PCDHGA3: variants seen among roughly 807,000 people sequenced by gnomAD.
PCDHGA3 encodes protocadherin gamma-A3.
Under a neutral mutation model 58.5 loss-of-function variants are expected in PCDHGA3, and 40 were observed. That is an observed-to-expected ratio of 0.68 (90% CI 0.53 to 0.89). PCDHGA3 has a LOEUF of 0.89. Ranked by LOEUF, PCDHGA3 falls within the 40% of genes least tolerant of loss-of-function variation. The pLI is 0.00. For missense variants in PCDHGA3, 1,223 were observed against 1,195.9 expected, an observed-to-expected ratio of 1.02 and a Z score of -0.33; for synonymous variants, 530 against 525.7, an observed-to-expected ratio of 1.01 and a Z score of -0.11.
In PCDHGA3 at chr5:141,431,430, G is replaced by A; in HGVS notation, c.2425-63377G>A. ...GACGGGGGCGACCCGGTGCGCACAG[G>A]CACCGCGCGCATCCGCGTGATGGTT... is the stretch of plus-strand genomic sequence containing the variant. On this transcript the variant is annotated intron_variant, in intron 1 of 3. Coordinates refer to ENST00000253812, the MANE Select transcript of PCDHGA3 (RefSeq NM_018916.4). The surrounding 1 kb of genome is among the most constrained non-coding windows in gnomAD (Gnocchi z 4.8). 1 of 1,613,680 alleles carries A rather than the reference G, an allele frequency of 6.2e-7. No individual in the cohort carries two copies. The highest frequency in any genetic ancestry group is 8.5e-7 in the Non-Finnish European group (1 of 1,180,018).
At chr5:141,472,000 C>T (rs935165645) in intron 1 of PCDHGA3, among the ~76,000 whole-genome samples, 3 of 151,852 alleles carry the variant, frequency 2.0e-5, no homozygotes, top group African/African-American at 4.8e-5. Flanking sequence ...ATCCCTGCAT[C>T]GTATAGGGGC....
intron 1 of PCDHGA3, chr5:141,428,221 G>T (rs1314522513): frequency 1.0e-5 from 12 of 1,177,166 alleles, no homozygotes; most frequent in East Asian, 4.9e-5. Context: ...CCTAGTCTTC[G>T]CAGACAGCCT....
In PCDHGA3 at chr5:141,432,413, G is replaced by A; in HGVS notation, c.2425-62394G>A. 1.2e-6 allele frequency: 2 copies of A among 1,614,232 alleles called. No homozygotes were observed. The highest frequency in any genetic ancestry group is 2.2e-5 in the South Asian group (2 of 91,082). Reference sequence around the variant, plus strand: ...CAGCAACGTGTCGTTGAGCCTGTTCGTGCTGGACCAGAACGACAATGCGCC... The same window carrying A: ...CAGCAACGTGTCGTTGAGCCTGTTCATGCTGGACCAGAACGACAATGCGCC... On this transcript the variant is annotated intron_variant, in intron 1 of 3. Coordinates refer to ENST00000253812, the MANE Select transcript of PCDHGA3 (RefSeq NM_018916.4). The surrounding 1 kb of genome is among the most constrained non-coding windows in gnomAD (Gnocchi z 6.0).
chr5:141,361,613 C>A (rs1161415348), intron 1 of PCDHGA3: 3 of 1,613,842 alleles, frequency 1.9e-6, no homozygotes, highest in Non-Finnish European at 2.5e-6. Context: ...TCCATCGTAG[C>A]GAGCGACCTG....
rs1554116833 is a variant in PCDHGA3, at chr5:141,423,756, G to GGT, written c.2425-71050_2425-71049insTG. 2.2e-4 allele frequency: 100 copies of GGT among 448,536 alleles called. 2 individuals carry two copies. The highest frequency in any genetic ancestry group is 2.1e-3 in the African/African-American group (74 of 35,668). The allele number at this position is 448,536 out of a possible 1,614,324, so 27.8% of individuals were successfully genotyped here. On this transcript the variant is annotated intron_variant, in intron 1 of 3. Coordinates refer to ENST00000253812, the MANE Select transcript of PCDHGA3 (RefSeq NM_018916.4). ...GCCTGTTATGAAAACTGTTTGGGGG[G>GGT]GGGGTGGGGCGGCATATATTTAGTT...
chr5:141,376,485 A>G (rs1772740075), intron 1 of PCDHGA3: 1 of 1,614,056 alleles, frequency 6.2e-7, no homozygotes, highest in Non-Finnish European at 8.5e-7. Context: ...CTTGAAACGA[A>G]AGGAGAACCC....
intron 1 of PCDHGA3, chr5:141,408,074 C>T: frequency 7.2e-7 from 1 of 1,395,302 alleles, no homozygotes; most frequent in Non-Finnish European, 9.5e-7. Context: ...CAGACCTTTC[C>T]CAGCACAGCG....
intron 1 of PCDHGA3, chr5:141,351,700 C>G: frequency 6.2e-7 from 1 of 1,613,956 alleles, no homozygotes; most frequent in Admixed American, 1.7e-5. Context: ...TGGGACCCAA[C>G]GGCAGAGTCT....
chr5:141,363,428 A>G (rs1396844187), intron 1 of PCDHGA3, among the ~76,000 whole-genome samples: 2 of 152,214 alleles, frequency 1.3e-5, no homozygotes, highest in African/African-American at 4.8e-5. Context: ...CTGTCTCAAC[A>G]TAGAAAGGTC....
chr5:141,451,326 G>T (rs189445228), intron 1 of PCDHGA3, among the ~76,000 whole-genome samples: 3 of 152,278 alleles, frequency 2.0e-5, no homozygotes, highest in Admixed American at 2.0e-4. Context: ...GTCACCTAAG[G>T]CTATTGTCTT....
intron 2 of PCDHGA3, among the ~76,000 whole-genome samples, chr5:141,501,802 C>T (rs2099811151): frequency 1.3e-5 from 2 of 152,154 alleles, no homozygotes; most frequent in Non-Finnish European, 2.9e-5. Context: ...ATCTCTTACC[C>T]AGCTTCACAT....
At position 141,357,085 on chromosome 5, in the gene PCDHGA3, G is replaced by T. The variant is rs768829720; in HGVS notation, c.2424+10628G>T. The T allele has an allele frequency of 4.3e-6, 7 of 1,613,900 alleles. No individual in the cohort carries two copies. In the East Asian group the frequency reaches 8.9e-5, roughly 21 times the overall value. On this transcript the variant is annotated intron_variant, in intron 1 of 3. Transcript: ENST00000253812. ...GCTGCACACAGGCGAGGTGCGCACC[G>T]CACGGGCCCTGCTGGACAGAGACGC... is the stretch of plus-strand genomic sequence containing the variant.
At chr5:141,400,316 A>C in intron 1 of PCDHGA3, 1 of 1,614,042 alleles carries the variant, frequency 6.2e-7, no homozygotes. Flanking sequence ...CTCTGTGTCA[A>C]GTCTGGACCT....
chr5:141,409,165 G>T (rs2095233723), intron 1 of PCDHGA3: 1 of 1,613,886 alleles, frequency 6.2e-7, no homozygotes, highest in Admixed American at 1.7e-5. Flanking sequence ...AAGTGGAAGC[G>T]AAGGACGGAG....
intron 1 of PCDHGA3, among the ~76,000 whole-genome samples, chr5:141,406,072 C>CTTT (rs530474569): frequency 7.1e-6 from 1 of 141,484 alleles, no homozygotes. Flanking sequence ...ATTCTTACTC[C>CTTT]TTTTTTTTTT....
At chr5:141,397,224 A>T (rs2093491277) in intron 1 of PCDHGA3, among the ~76,000 whole-genome samples, 1 of 151,376 alleles carries the variant, frequency 6.6e-6, no homozygotes. Context: ...ATTTTGAGAT[A>T]TGAAGAAGAG....
intron 1 of PCDHGA3, among the ~76,000 whole-genome samples, chr5:141,456,537 G>A (rs1411788378): frequency 1.3e-5 from 2 of 152,178 alleles, no homozygotes; most frequent in African/African-American, 4.8e-5. Flanking sequence ...ATTAAAGAGG[G>A]ATTGTAGCCA....
At chr5:141,371,895 C>T (rs1561553190) in intron 1 of PCDHGA3, 1 of 1,613,450 alleles carries the variant, frequency 6.2e-7, no homozygotes. Context: ...GCCGCGGGAG[C>T]TGTCGTCCTA....
chr5:141,374,357 CGCGAGGAGCTCTGT>C (rs1770415063), intron 1 of PCDHGA3: 2 of 1,613,900 alleles, frequency 1.2e-6, no homozygotes, highest in Non-Finnish European at 1.7e-6. Context: ...TAGGATAGAC[CGCGAGGAGCTCTGT>C]GCTCAGAGCC....
Sources: allele counts gnomAD v4.1 joint callset (sites outside exome capture counted in the v4.1 genomes callset), GRCh38; gene constraint gnomAD v4.1.1; non-coding constraint Gnocchi (gnomAD v3.1); transcripts MANE v1.5; gene names NCBI Gene and HGNC (gene_info 2026-07-23, HGNC 2026-07-21).